Variants in RBFOX1 observed in about 807,000 individuals in gnomAD.
RBFOX1 encodes the protein RNA binding protein fox-1 homolog 1.
Under a neutral mutation model 57.7 loss-of-function variants are expected in RBFOX1, and 8 were observed. The ratio of observed to expected loss-of-function variants is 0.14; its 90% CI spans 0.08 to 0.25. RBFOX1 has a LOEUF of 0.25. Among genes scored for constraint, RBFOX1 ranks in the 10% least tolerant of loss-of-function variants. The probability of loss-of-function intolerance (pLI) is 1.00; values close to 1 mark genes in which losing one functional copy is unlikely to be tolerated. For missense variants in RBFOX1, 611 were observed against 548.5 expected, an observed-to-expected ratio of 1.11 and a Z score of -1.14; for synonymous variants, 326 against 222.4, an observed-to-expected ratio of 1.47 and a Z score of -4.15.
At chr16:6,996,121 T>C (rs1330765598) in intron 3 of RBFOX1, among the ~76,000 whole-genome samples, 1 of 152,218 alleles carries the variant, frequency 6.6e-6, no homozygotes, top group Non-Finnish European at 1.5e-5. Context: ...GTCAAGAACA[T>C]TTTATTGTAT....
At chr16:7,091,802 C>G (rs140747366) in intron 4 of RBFOX1, among the ~76,000 whole-genome samples, 5 of 152,138 alleles carry the variant, frequency 3.3e-5, no homozygotes, top group African/African-American at 1.2e-4. Context: ...TCTAGAGCTT[C>G]GTTATTAACT....
chr16:5,296,586 A>C (rs977249623), intron 1 of RBFOX1, among the ~76,000 whole-genome samples: 18 of 151,830 alleles, frequency 1.2e-4, no homozygotes, highest in Admixed American at 4.6e-4. Context: ...TTTTTTAACA[A>C]TAGAGCTCTT....
chr16:7,302,830 A>G (rs994077228), intron 4 of RBFOX1, among the ~76,000 whole-genome samples: 6 of 151,628 alleles, frequency 4.0e-5, no homozygotes, highest in Non-Finnish European at 8.8e-5. Flanking sequence ...ATTTTATTGC[A>G]TAAAGACTAA....
Position 5,999,777 on chromosome 16 carries a change from C to T in RBFOX1, c.351+132442C>T, listed in dbSNP as rs747967856. On this transcript the variant is annotated intron_variant, in intron 4 of 19. Transcript: ENST00000641259. ...TTGGGAGGCTGAGGCAGGAGAATGG[C>T]GTGAACCTGGGAGGCGGAGCTTGTG... 2.6e-4 allele frequency among the ~76,000 whole-genome samples: 36 copies of T among 140,294 alleles called. 2 individuals carry two copies. The East Asian group carries it at 6.3e-3, about 25-fold the overall frequency. 92.0% of individuals were successfully genotyped at this position (140,294 alleles called of 152,430 possible).
At chr16:5,894,188 C>T (rs925440072) in intron 4 of RBFOX1, among the ~76,000 whole-genome samples, 7 of 152,070 alleles carry the variant, frequency 4.6e-5, no homozygotes, top group Admixed American at 1.3e-4. Context: ...CCCTTTCACA[C>T]CACTCTGTTT....
intron 1 of RBFOX1, among the ~76,000 whole-genome samples, chr16:6,032,307 C>T (rs2095302218): frequency 6.6e-6 from 1 of 152,044 alleles, no homozygotes; most frequent in Non-Finnish European, 1.5e-5. Context: ...GTGGAATTGC[C>T]ACTTAAAAAA....
chr16:6,773,976 T>G, intron 3 of RBFOX1: 1 of 985,328 alleles, frequency 1.0e-6, no homozygotes, highest in Non-Finnish European at 1.2e-6. Flanking sequence ...GGTCCTCCCG[T>G]TTTCAACTGA....
intron 1 of RBFOX1, among the ~76,000 whole-genome samples, chr16:6,044,372 C>G (rs752966114): frequency 3.3e-5 from 5 of 151,998 alleles, no homozygotes; most frequent in Non-Finnish European, 7.4e-5. Context: ...AGTGTTCTCT[C>G]TTTGAGTTCC....
chr16:7,262,472 C>G (rs142973852), intron 4 of RBFOX1, among the ~76,000 whole-genome samples: 1 of 152,218 alleles, frequency 6.6e-6, no homozygotes, highest in Admixed American at 6.5e-5. Flanking sequence ...AGATGTGGAT[C>G]TATGTATTAA....
chr16:5,789,684 C>G (rs943229809), intron 3 of RBFOX1, among the ~76,000 whole-genome samples: 1 of 152,084 alleles, frequency 6.6e-6, no homozygotes, highest in Non-Finnish European at 1.5e-5. Flanking sequence ...CAGTTAGTAT[C>G]GCACTTCTCT....
Position 6,566,688 on chromosome 16 carries a change from C to G in RBFOX1, c.-63-87915C>G, listed in dbSNP as rs560357018. Among the ~76,000 whole-genome samples, 3 of 152,284 alleles carry G rather than the reference C, an allele frequency of 2.0e-5. No individual in the cohort carries two copies. The South Asian group carries it at 6.2e-4, about 32-fold the overall frequency. On this transcript the variant is annotated intron_variant, in intron 2 of 15. Coordinates refer to ENST00000550418, the MANE Select transcript of RBFOX1 (RefSeq NM_018723.4). ...AGTCTGTCTTCTCCACAGGCTAAAT[C>G]AGTATTCCATCCACTTTTCATCTTT...
chr16:7,649,118 A>G (rs925381827), intron 11 of RBFOX1, among the ~76,000 whole-genome samples: 9 of 152,164 alleles, frequency 5.9e-5, no homozygotes, highest in African/African-American at 2.2e-4. Context: ...AAGAAAGTAA[A>G]ATGGGGAAAG....
At chr16:6,462,175 C>T (rs1036134403) in intron 2 of RBFOX1, among the ~76,000 whole-genome samples, 1 of 152,126 alleles carries the variant, frequency 6.6e-6, no homozygotes, top group Non-Finnish European at 1.5e-5. Flanking sequence ...TAACCCAACA[C>T]AGAACTCTTT....
At chr16:5,626,769 AG>A (rs1162702869) in intron 3 of RBFOX1, among the ~76,000 whole-genome samples, 3 of 152,012 alleles carry the variant, frequency 2.0e-5, no homozygotes, top group African/African-American at 7.2e-5. Flanking sequence ...AGGTTCAACC[AG>A]GGTTTTAAAA....
At chr16:7,517,143 G>GTGTGTGTGTC (rs887572316) in intron 4 of RBFOX1, among the ~76,000 whole-genome samples, 4 of 11,002 alleles carry the variant, frequency 3.6e-4, no homozygotes, top group African/African-American at 6.5e-4. Flanking sequence ...TATGCCGTGT[G>GTGTGTGTGTC]TGTGTGTGTG....
chr16:6,882,109 A>T (rs1385125082), intron 3 of RBFOX1, among the ~76,000 whole-genome samples: 1 of 152,062 alleles, frequency 6.6e-6, no homozygotes, highest in Admixed American at 6.6e-5. Context: ...TTAAGATGTA[A>T]ATTATTTAGC....
chr16:5,309,948 T>G (rs186214923), intron 1 of RBFOX1, among the ~76,000 whole-genome samples: 3 of 152,302 alleles, frequency 2.0e-5, no homozygotes, highest in African/African-American at 7.2e-5. Flanking sequence ...GTCCTTTGAT[T>G]TAGAGAGAGC....
At chr16:5,264,299 C>A (rs549150620) in intron 1 of RBFOX1, among the ~76,000 whole-genome samples, 28 of 152,176 alleles carry the variant, frequency 1.8e-4, no homozygotes, top group African/African-American at 5.8e-4. Context: ...TGTGAGGATG[C>A]TGCAGTTGGA....
chr16:6,686,064 C>T (rs548400808), intron 3 of RBFOX1, among the ~76,000 whole-genome samples: 1 of 152,258 alleles, frequency 6.6e-6, no homozygotes, highest in South Asian at 2.1e-4. Flanking sequence ...TTTGGCTGGG[C>T]CCAGCGCTGT....
Sources: gnomAD v4.1 joint callset for allele counts (sites outside exome capture counted in the v4.1 genomes callset) on GRCh38, gnomAD v4.1.1 for gene constraint, MANE v1.5 for transcripts, NCBI Gene and HGNC (gene_info 2026-07-23, HGNC 2026-07-21) for gene names.